The following KLHL29 variants were observed in gnomAD, a reference collection of about 807,000 sequenced individuals.
The protein encoded by KLHL29 is kelch like family member 29, also known as kelch-like protein 29.
A neutral mutation model predicts 80.4 loss-of-function variants in KLHL29; 21 were observed. That is an observed-to-expected ratio of 0.26 (90% CI 0.19 to 0.38). The LOEUF is 0.38. KLHL29 is among the 10% of genes least tolerant of loss of function. KLHL29 has a pLI of 1.00. For missense variants in KLHL29, 867 were observed against 1,223.9 expected (o/e 0.71, Z 4.35); for synonymous variants, 511 against 526.8 (o/e 0.97, Z 0.41).
intron 3 of KLHL29, among the ~76,000 whole-genome samples, chr2:23,586,817 G>A (rs1312216340): frequency 1.3e-5 from 2 of 152,002 alleles, no homozygotes; most frequent in Non-Finnish European, 2.9e-5. Flanking sequence ...AGCACACGCC[G>A]CATTGTAGTT....
chr2:23,511,046 A>T (rs532346022), intron 2 of KLHL29, among the ~76,000 whole-genome samples: 110 of 152,290 alleles, frequency 7.2e-4, no homozygotes, highest in Middle Eastern at 3.4e-3. Context: ...CAGAACAGAA[A>T]TGTATTTTCT....
intron 2 of KLHL29, among the ~76,000 whole-genome samples, chr2:23,551,389 C>G (rs900092151): frequency 6.6e-6 from 1 of 152,014 alleles, no homozygotes. Context: ...CAGATTTTCT[C>G]AAAGCAAAGG....
chr2:23,683,927 T>A (rs1259361326), intron 5 of KLHL29, among the ~76,000 whole-genome samples: 1 of 152,206 alleles, frequency 6.6e-6, no homozygotes, highest in Non-Finnish European at 1.5e-5. Context: ...TTTTGCAGGT[T>A]TTGTGGTTGT....
intron 3 of KLHL29, among the ~76,000 whole-genome samples, chr2:23,579,850 C>G (rs1207470218): frequency 6.6e-6 from 1 of 152,224 alleles, no homozygotes; most frequent in Admixed American, 6.5e-5. Flanking sequence ...AGCCAAATAT[C>G]AGCTGCATGC....
At chr2:23,512,992 T>C (rs1396802296) in intron 2 of KLHL29, among the ~76,000 whole-genome samples, 1 of 152,258 alleles carries the variant, frequency 6.6e-6, no homozygotes, top group Non-Finnish European at 1.5e-5. Flanking sequence ...GGGATGTGGC[T>C]CAGGAGGCTT....
At chr2:23,636,564 C>T (rs1669614642) in intron 3 of KLHL29, among the ~76,000 whole-genome samples, 1 of 152,204 alleles carries the variant, frequency 6.6e-6, no homozygotes, top group South Asian at 2.1e-4. Context: ...CGGGATACCC[C>T]AGCTTCTTTC....
intron 2 of KLHL29, among the ~76,000 whole-genome samples, chr2:23,483,902 T>C (rs551288571): frequency 6.6e-6 from 1 of 152,168 alleles, no homozygotes; most frequent in African/African-American, 2.4e-5. Context: ...CCTAAAAAGC[T>C]CTCAGCAAGT....
At chr2:23,453,739 A>G (rs961829798) in intron 1 of KLHL29, among the ~76,000 whole-genome samples, 2 of 152,282 alleles carry the variant, frequency 1.3e-5, no homozygotes, top group African/African-American at 4.8e-5. Context: ...TGAAAAGGTC[A>G]CCTTATATGA....
rs141444700 is a variant in KLHL29, at chr2:23,596,167, C to T, written c.285+33686C>T. ...AGAGCACCCTCGGCAGCCAGCCGGA[C>T]GGGCAGGCCGGGGGCGGGGCAGGGC... On this transcript the variant is annotated intron_variant, in intron 3 of 13. Coordinates refer to ENST00000486442, the MANE Select transcript of KLHL29 (RefSeq NM_052920.2). This position sits in a 1 kb window ranked among gnomAD's most constrained non-coding sequence, Gnocchi z 4.4. 4.9e-3 allele frequency among the ~76,000 whole-genome samples: 740 copies of T among 152,298 alleles called. 4 individuals carry two copies. Among genetic ancestry groups the T allele is most frequent in the Non-Finnish European group, 7.9e-3 (538 of 68,020 alleles).
At chr2:23,574,576 G>A (rs1667797437) in intron 3 of KLHL29, among the ~76,000 whole-genome samples, 1 of 152,064 alleles carries the variant, frequency 6.6e-6, no homozygotes, top group African/African-American at 2.4e-5. Context: ...TTGCTTAATG[G>A]GTAGAGTTTC....
At chr2:23,569,610 A>G (rs568359804) in intron 3 of KLHL29, among the ~76,000 whole-genome samples, 7 of 133,772 alleles carry the variant, frequency 5.2e-5, no homozygotes, top group Admixed American at 3.0e-4. Flanking sequence ...ATCACCATTT[A>G]TAACATTTTT....
chr2:23,476,018 A>C (rs1664631602), intron 2 of KLHL29, among the ~76,000 whole-genome samples: 1 of 152,180 alleles, frequency 6.6e-6, no homozygotes, highest in Non-Finnish European at 1.5e-5. Context: ...AGCTGGGACT[A>C]CAGGCATGTG....
intron 2 of KLHL29, among the ~76,000 whole-genome samples, chr2:23,483,561 CACTCCA>C (rs1664854047): frequency 6.6e-6 from 1 of 152,188 alleles, no homozygotes; most frequent in Non-Finnish European, 1.5e-5. Flanking sequence ...TGGCAACTCC[CACTCCA>C]ACTCCAATTT....
intron 3 of KLHL29, among the ~76,000 whole-genome samples, chr2:23,620,235 A>T (rs1669135814): frequency 6.6e-6 from 1 of 152,234 alleles, no homozygotes; most frequent in African/African-American, 2.4e-5. Flanking sequence ...AGGGGGCACC[A>T]GGAGGCCAGC....
chr2:23,501,704 G>A (rs540004848), intron 2 of KLHL29, among the ~76,000 whole-genome samples: 1 of 152,248 alleles, frequency 6.6e-6, no homozygotes, highest in South Asian at 2.1e-4. Flanking sequence ...TGTTACCACT[G>A]ACAGCCTATA....
intron 3 of KLHL29, among the ~76,000 whole-genome samples, chr2:23,627,468 C>G (rs1401235088): frequency 6.6e-6 from 1 of 152,236 alleles, no homozygotes; most frequent in Non-Finnish European, 1.5e-5. Context: ...CTGCCCAGCT[C>G]TGACCCCCAT....
At chr2:23,581,140 C>T (rs1231948924) in intron 3 of KLHL29, among the ~76,000 whole-genome samples, 1 of 151,746 alleles carries the variant, frequency 6.6e-6, no homozygotes, top group Non-Finnish European at 1.5e-5. Flanking sequence ...AGGAGTGTAG[C>T]ATTTAAACAA....
chr2:23,684,601 C>G lies in KLHL29; in HGVS notation c.1079+64C>G. On this transcript the variant is annotated intron_variant, in intron 6 of 13. Transcript: ENST00000486442. This position sits in a 1 kb window ranked among gnomAD's most constrained non-coding sequence, Gnocchi z 4.4. ...TGTAGGACGCTTTTGTGTCGCTTTT[C>G]TCTTCCCCTCTCTTGCAGGTTCCTG... is the stretch of plus-strand genomic sequence containing the variant. 7.2e-7 allele frequency: 1 copy of G among 1,393,900 alleles called. No individual in the cohort carries two copies. Among genetic ancestry groups the G allele is most frequent in the Non-Finnish European group, 9.6e-7 (1 of 1,044,106 alleles). 86.3% of individuals were successfully genotyped at this position (1,393,900 alleles called of 1,614,324 possible).
At chr2:23,429,479 G>A (rs1352321506) in intron 1 of KLHL29, among the ~76,000 whole-genome samples, 1 of 152,218 alleles carries the variant, frequency 6.6e-6, no homozygotes, top group Non-Finnish European at 1.5e-5. Context: ...CAGGCTGGGC[G>A]CAGTGGCTCA....
Sources: allele counts gnomAD v4.1 joint callset (sites outside exome capture counted in the v4.1 genomes callset), GRCh38; gene constraint gnomAD v4.1.1; non-coding constraint Gnocchi (gnomAD v3.1); transcripts MANE v1.5; gene names NCBI Gene and HGNC (gene_info 2026-07-23, HGNC 2026-07-21).